The following ANKS1B variants were observed in gnomAD, a reference collection of about 807,000 sequenced individuals.
ANKS1B encodes ankyrin repeat and sterile alpha motif domain-containing protein 1B.
A neutral mutation model predicts 148.3 loss-of-function variants in ANKS1B; 36 were observed. The observed-to-expected ratio is 0.24, with a 90% CI of 0.19 to 0.32. The LOEUF (loss-of-function observed/expected upper bound fraction) is 0.32, where lower values mean the gene tolerates loss of function less well. ANKS1B is among the 10% of genes least tolerant of loss of function. ANKS1B has a pLI of 1.00. For missense variants in ANKS1B, 1,157 were observed against 1,542.6 expected (o/e 0.75, Z 4.19); for synonymous variants, 542 against 560.8 (o/e 0.97, Z 0.47).
exon 10 of ANKS1B, chr12:98,735,574 G>A: frequency 1.3e-6 from 1 of 770,566 alleles, no homozygotes; most frequent in African/African-American, 1.7e-5. Flanking sequence ...AATTTTCTGA[G>A]TGCCTCCTCA....
At chr12:98,792,442 C>T (rs1267837685) in intron 22 of ANKS1B, among the ~76,000 whole-genome samples, 1 of 152,110 alleles carries the variant, frequency 6.6e-6, no homozygotes, top group Non-Finnish European at 1.5e-5. Context: ...GTTATGATTT[C>T]TTTGTTTTCA....
At chr12:99,358,791 T>A (rs1269513767) in intron 12 of ANKS1B, among the ~76,000 whole-genome samples, 1 of 152,054 alleles carries the variant, frequency 6.6e-6, no homozygotes, top group Non-Finnish European at 1.5e-5. Flanking sequence ...TTGTGTCAGA[T>A]GACATGAATA....
chr12:99,622,137 T>C (rs1485569892), intron 9 of ANKS1B, among the ~76,000 whole-genome samples: 1 of 151,990 alleles, frequency 6.6e-6, no homozygotes, highest in Non-Finnish European at 1.5e-5. Flanking sequence ...TAAATAACTT[T>C]CTGCTGAATT....
intron 9 of ANKS1B, among the ~76,000 whole-genome samples, chr12:99,507,791 G>C (rs1444174073): frequency 6.6e-6 from 1 of 151,774 alleles, no homozygotes; most frequent in Non-Finnish European, 1.5e-5. Context: ...TATCTGACAA[G>C]TGACCGTCAA....
At chr12:99,938,227 G>A (rs542464305) in intron 1 of ANKS1B, among the ~76,000 whole-genome samples, 2 of 152,330 alleles carry the variant, frequency 1.3e-5, no homozygotes, top group South Asian at 2.1e-4. Context: ...ACTGCAGGAC[G>A]ATTCTAGTTG....
chr12:98,781,183 C>T lies in ANKS1B; in HGVS notation c.3375G>A (p.Lys1125=), dbSNP rs532974555. The change falls in exon 24 of 27, where the codon AAG becomes AAA. Residue 1125 remains lysine (K), a synonymous_variant. Transcript: ENST00000683438. ...ANCQKSTEQM[K]KVPTIILSVS... Reference sequence around the variant, plus strand: ...CAGAAAGAATAATAGTAGGGACCTTCTTCATTTGCTCTGTAGACTTCTGAA... The same window carrying T: ...CAGAAAGAATAATAGTAGGGACCTTTTTCATTTGCTCTGTAGACTTCTGAA... 16 of 1,583,974 alleles carry T rather than the reference C, an allele frequency of 1.0e-5. No individual in the cohort carries two copies. Among genetic ancestry groups the T allele is most frequent in the Admixed American group, 1.8e-5 (1 of 55,822 alleles).
intron 8 of ANKS1B, among the ~76,000 whole-genome samples, chr12:99,726,551 C>G (rs149242304): frequency 1.3e-5 from 2 of 151,390 alleles, no homozygotes; most frequent in African/African-American, 4.8e-5. Flanking sequence ...ATTCTACCAG[C>G]CAAATTCTAC....
At chr12:99,221,413 T>C (rs2153937393) in intron 14 of ANKS1B, among the ~76,000 whole-genome samples, 1 of 152,224 alleles carries the variant, frequency 6.6e-6, no homozygotes, top group Admixed American at 6.5e-5. Flanking sequence ...AATGAAAAAC[T>C]GAGGAAAGAT....
At chr12:99,425,146 T>C (rs1176192408) in intron 11 of ANKS1B, among the ~76,000 whole-genome samples, 1 of 151,950 alleles carries the variant, frequency 6.6e-6, no homozygotes, top group East Asian at 1.9e-4. Flanking sequence ...GGCTAAAGTT[T>C]TTCTTTTAAC....
Position 99,654,918 on chromosome 12 carries a change from T to G in ANKS1B, c.1272+149A>C, listed in dbSNP as rs574197092. ...ATGCACACCAAGTTATATGCACATT[T>G]TACTTGACACTTTGAGAAAAACCAC... On this transcript the variant is annotated intron_variant, in intron 9 of 26. Transcript: ENST00000683438. 21 of 819,108 alleles carry G rather than the reference T, an allele frequency of 2.6e-5. No homozygotes were observed. The East Asian group carries it at 4.8e-4, about 19-fold the overall frequency. 50.7% of individuals were successfully genotyped at this position (819,108 alleles called of 1,614,324 possible).
At chr12:99,039,684 G>A (rs1024834458) in intron 17 of ANKS1B, among the ~76,000 whole-genome samples, 1 of 152,072 alleles carries the variant, frequency 6.6e-6, no homozygotes, top group Non-Finnish European at 1.5e-5. Flanking sequence ...TTGTTTGTTT[G>A]TTTGTTTATT....
intron 25 of ANKS1B, among the ~76,000 whole-genome samples, chr12:98,766,846 G>T (rs1243467906): frequency 6.6e-6 from 1 of 151,976 alleles, no homozygotes; most frequent in Non-Finnish European, 1.5e-5. Context: ...ACAGAGTCTT[G>T]TTCTGTTGCC....
intron 17 of ANKS1B, among the ~76,000 whole-genome samples, chr12:98,861,273 A>G (rs1366205718): frequency 6.6e-6 from 1 of 152,174 alleles, no homozygotes; most frequent in East Asian, 1.9e-4. Flanking sequence ...TGATTTTGCC[A>G]TTTCTCATAT....
chr12:99,177,284 G>T (rs1208541427), intron 14 of ANKS1B, among the ~76,000 whole-genome samples: 4 of 152,232 alleles, frequency 2.6e-5, no homozygotes, highest in East Asian at 3.9e-4. Flanking sequence ...TTGACTTAAG[G>T]GTACCCTAAT....
intron 12 of ANKS1B, among the ~76,000 whole-genome samples, chr12:99,255,048 G>A (rs2075093825): frequency 6.6e-6 from 1 of 152,116 alleles, no homozygotes; most frequent in Admixed American, 6.5e-5. Context: ...CATTTCCCTA[G>A]AAGAGTTTAT....
At position 99,655,221 on chromosome 12, in the gene ANKS1B, AT is replaced by A; in HGVS notation, c.1129-12del. On this transcript the variant is annotated splice_polypyrimidine_tract_variant and intron_variant, in intron 8 of 26. Coordinates refer to ENST00000683438, the MANE Select transcript of ANKS1B (RefSeq NM_001352186.2). ...TGTAGATGAGGTTCTCTGAAATTAA[AT>A]TTATATCATACCAATATATTATATC... 1.3e-6 allele frequency: 2 copies of A among 1,576,268 alleles called. No homozygotes were observed. Among genetic ancestry groups the A allele is most frequent in the East Asian group, 2.3e-5 (1 of 43,436 alleles).
intron 2 of ANKS1B, among the ~76,000 whole-genome samples, chr12:99,820,403 T>A (rs985171860): frequency 6.6e-6 from 1 of 151,908 alleles, no homozygotes; most frequent in Non-Finnish European, 1.5e-5. Flanking sequence ...ACAGTTTGTG[T>A]TCAAAGCAAA....
At chr12:99,621,874 G>T (rs1001174298) in intron 9 of ANKS1B, among the ~76,000 whole-genome samples, 2 of 151,482 alleles carry the variant, frequency 1.3e-5, no homozygotes, top group Non-Finnish European at 2.9e-5. Context: ...AAGAAATTCT[G>T]GACTTCAATT....
chr12:99,887,171 A>G (rs34707117), intron 1 of ANKS1B, among the ~76,000 whole-genome samples: 35,212 of 152,044 alleles, frequency 0.23, 4,166 homozygotes, highest in African/African-American at 0.26. Context: ...CTAATAAACG[A>G]TGGGACAGGT....
Sources: allele counts gnomAD v4.1 joint callset (sites outside exome capture counted in the v4.1 genomes callset), GRCh38; gene constraint gnomAD v4.1.1; transcripts MANE v1.5; gene names NCBI Gene and HGNC (gene_info 2026-07-23, HGNC 2026-07-21).